The following ZNF423 variants were observed in gnomAD, a reference collection of about 807,000 sequenced individuals.
ZNF423 encodes Ebf-associated zinc finger protein.
A neutral mutation model predicts 95.8 loss-of-function variants in ZNF423; 12 were observed. The ratio of observed to expected loss-of-function variants is 0.13; its 90% CI spans 0.08 to 0.20. The LOEUF is 0.20. Ranked by LOEUF, ZNF423 falls within the 10% of genes least tolerant of loss-of-function variation. The pLI, the probability that ZNF423 is intolerant of heterozygous loss-of-function variation, is 1.00. For missense variants in ZNF423, 1,316 were observed against 1,737.1 expected (o/e 0.76, Z 4.31); for synonymous variants, 749 against 711.9 (o/e 1.05, Z -0.83).
At position 49,498,863 on chromosome 16, in the gene ZNF423, T is replaced by C. The variant is rs73578419; in HGVS notation, c.3850-7559A>G. Reference sequence around the variant, plus strand: ...AGATGGCCTGTCTTAAAGGCTCATATGTTCGCTAGTTTGCACTTCTGACAA... The same window carrying C: ...AGATGGCCTGTCTTAAAGGCTCATACGTTCGCTAGTTTGCACTTCTGACAA... On this transcript the variant is annotated intron_variant, in intron 7 of 7. Coordinates refer to ENST00000563137, the MANE Select transcript of ZNF423 (RefSeq NM_001379286.1). 3.5e-3 allele frequency among the ~76,000 whole-genome samples: 529 copies of C among 152,350 alleles called. 3 individuals are homozygous for C. The highest frequency in any genetic ancestry group is 0.012 in the African/African-American group (511 of 41,578).
intron 7 of ZNF423, among the ~76,000 whole-genome samples, chr16:49,506,594 G>A (rs889007940): frequency 2.9e-5 from 4 of 136,168 alleles, no homozygotes; most frequent in African/African-American, 1.2e-4. Flanking sequence ...ACAGATTGAT[G>A]GGTAGATGAA....
chr16:49,531,521 G>A (rs941677822), intron 5 of ZNF423, among the ~76,000 whole-genome samples: 2 of 152,112 alleles, frequency 1.3e-5, no homozygotes, highest in African/African-American at 4.8e-5. Context: ...AACCTGAGCT[G>A]TGGGAGACTC....
At chr16:49,725,624 C>T (rs1242952201) in intron 3 of ZNF423, among the ~76,000 whole-genome samples, 1 of 152,180 alleles carries the variant, frequency 6.6e-6, no homozygotes, top group Admixed American at 6.5e-5. Context: ...GGGATGGGTG[C>T]TCTGGACTGT....
At chr16:49,816,388 A>C (rs898747439) in intron 1 of ZNF423, among the ~76,000 whole-genome samples, 3 of 152,248 alleles carry the variant, frequency 2.0e-5, no homozygotes, top group East Asian at 3.9e-4. Flanking sequence ...GGTGCTTGGA[A>C]AGTACTTTTC....
chr16:49,575,760 TTTAAAAACACGGATTC>T (rs1970477294), intron 5 of ZNF423, among the ~76,000 whole-genome samples: 1 of 152,200 alleles, frequency 6.6e-6, no homozygotes, highest in Non-Finnish European at 1.5e-5. Context: ...CTGGAGCTCT[TTTAAAAACACGGATTC>T]TTGTTTGGCA....
intron 3 of ZNF423, among the ~76,000 whole-genome samples, chr16:49,649,561 C>G (rs1282469115): frequency 6.6e-6 from 1 of 151,892 alleles, no homozygotes; most frequent in Non-Finnish European, 1.5e-5. Flanking sequence ...TTTCTATGCT[C>G]TTATCTGTCC....
rs771484407 is a variant in ZNF423, at chr16:49,638,893, A to G, written c.302-19T>C. 6.3e-7 allele frequency: 1 copy of G among 1,577,578 alleles called. No individual in the cohort carries two copies. The highest frequency in any genetic ancestry group is 1.2e-5 in the South Asian group (1 of 84,382). ...TCACCATCTGCAAGAGAAGGCAGAG[A>G]GGATATTAGAGGCAATTCCCAGGGC... On this transcript the variant is annotated intron_variant, in intron 3 of 7. Coordinates refer to ENST00000563137, the MANE Select transcript of ZNF423 (RefSeq NM_001379286.1). This position sits in a 1 kb window ranked among gnomAD's most constrained non-coding sequence, Gnocchi z 5.6.
chr16:49,677,312 G>GAAGAGAAGA (rs1567284159), intron 3 of ZNF423, among the ~76,000 whole-genome samples: 1 of 19,646 alleles, frequency 5.1e-5, no homozygotes, highest in Non-Finnish European at 1.1e-4. Flanking sequence ...AGAAGAGAAA[G>GAAGAGAAGA]GAGGGGAAGG....
intron 3 of ZNF423, among the ~76,000 whole-genome samples, chr16:49,666,736 T>C (rs915445613): frequency 2.6e-5 from 4 of 152,244 alleles, no homozygotes; most frequent in Non-Finnish European, 5.9e-5. Context: ...GGAGGGCCGC[T>C]GGGTGCACAC....
At chr16:49,548,754 T>C (rs961920073) in intron 5 of ZNF423, among the ~76,000 whole-genome samples, 4 of 152,192 alleles carry the variant, frequency 2.6e-5, no homozygotes, top group East Asian at 1.9e-4. Context: ...AAGCCGTGCC[T>C]GAACCAGGAA....
At chr16:49,491,411 T>A (rs1026754045) in intron 7 of ZNF423, 107 bp from the exon 8 acceptor site, 1 of 1,408,260 alleles carries the variant, frequency 7.1e-7, no homozygotes, top group African/African-American at 1.4e-5. Flanking sequence ...AGCGTCTCGA[T>A]TATAACAAAA....
chr16:49,740,423 G>C (rs766793505), intron 2 of ZNF423, among the ~76,000 whole-genome samples: 1 of 152,194 alleles, frequency 6.6e-6, no homozygotes, highest in South Asian at 2.1e-4. Context: ...TTCCGCACTC[G>C]GCTTGTGCAT....
chr16:49,583,598 T>C (rs8048699), intron 5 of ZNF423, among the ~76,000 whole-genome samples: 7,574 of 152,252 alleles, frequency 0.05, 236 homozygotes, highest in African/African-American at 0.084. Context: ...CACACACATA[T>C]ATATATACAC....
At chr16:49,741,033 C>T (rs1407858412) in intron 2 of ZNF423, among the ~76,000 whole-genome samples, 6 of 152,114 alleles carry the variant, frequency 3.9e-5, no homozygotes, top group Non-Finnish European at 7.4e-5. Context: ...CTCAGTCACT[C>T]GGATAACGAG....
At chr16:49,821,157 T>C (rs1597040812) in intron 1 of ZNF423, among the ~76,000 whole-genome samples, 1 of 152,014 alleles carries the variant, frequency 6.6e-6, no homozygotes, top group Admixed American at 6.6e-5. Flanking sequence ...TTAATAAAAT[T>C]TGAGACCTGA....
At chr16:49,527,168 G>GCA (rs1225682627) in intron 5 of ZNF423, among the ~76,000 whole-genome samples, 3 of 152,026 alleles carry the variant, frequency 2.0e-5, no homozygotes, top group African/African-American at 4.8e-5. Flanking sequence ...CCGCAGAGGC[G>GCA]CACACACACA....
At chr16:49,713,088 C>T (rs2032595660) in intron 3 of ZNF423, among the ~76,000 whole-genome samples, 1 of 152,238 alleles carries the variant, frequency 6.6e-6, no homozygotes, top group South Asian at 2.1e-4. Flanking sequence ...CAAATCTGCT[C>T]CTCTGCTCCA....
chr16:49,537,687 C>T (rs1969102322), intron 5 of ZNF423, among the ~76,000 whole-genome samples: 1 of 152,134 alleles, frequency 6.6e-6, no homozygotes, highest in South Asian at 2.1e-4. Flanking sequence ...GTCACGTCTT[C>T]CTCTCAAGTC....
At chr16:49,506,662 G>T (rs529399902) in intron 7 of ZNF423, among the ~76,000 whole-genome samples, 1 of 151,982 alleles carries the variant, frequency 6.6e-6, no homozygotes, top group South Asian at 2.1e-4. Context: ...CAGATGTATG[G>T]ATGGATGGAA....
Sources: allele counts gnomAD v4.1 joint callset (sites outside exome capture counted in the v4.1 genomes callset), GRCh38; gene constraint gnomAD v4.1.1; non-coding constraint Gnocchi (gnomAD v3.1); transcripts MANE v1.5; gene names NCBI Gene and HGNC (gene_info 2026-07-23, HGNC 2026-07-21).